ATXN10: variants seen among roughly 807,000 people sequenced by gnomAD.
The protein encoded by ATXN10 is ataxin-10.
Under a neutral mutation model 52.9 loss-of-function variants are expected in ATXN10, and 28 were observed. The observed-to-expected ratio is 0.53, with a 90% CI of 0.39 to 0.73. The LOEUF is 0.73. ATXN10 is among the 30% of genes least tolerant of loss of function. The pLI, the probability that ATXN10 is intolerant of heterozygous loss-of-function variation, is 0.00. For missense variants in ATXN10, 565 were observed against 577.0 expected (o/e 0.98, Z 0.21); for synonymous variants, 226 against 221.5 (o/e 1.02, Z -0.18).
rs1923329632 is a variant in ATXN10 at position 45,690,513 on chromosome 22, CTT to C, written c.308+612_308+613del. ...TAGTGTTTTGAAGCTGATTTTGAGT[CTT>C]TGTTCCTAGATTTTACCTGCCTAAG... On this transcript the variant is annotated intron_variant, in intron 2 of 11. Transcript: ENST00000252934. This position sits in a 1 kb window ranked among gnomAD's most constrained non-coding sequence, Gnocchi z 4.5. 6.6e-6 allele frequency among the ~76,000 whole-genome samples: 1 copy of C among 152,118 alleles called. No homozygotes were observed. Among genetic ancestry groups the C allele is most frequent in the Non-Finnish European group, 1.5e-5 (1 of 68,020 alleles).
intron 9 of ATXN10, among the ~76,000 whole-genome samples, chr22:45,788,275 G>A (rs901978700): frequency 1.3e-5 from 2 of 151,982 alleles, no homozygotes; most frequent in African/African-American, 2.4e-5. Flanking sequence ...TGCCTCCCGC[G>A]AAATATGCCC....
rs118131157 is a variant in ATXN10, at chr22:45,712,489, G to A, written c.648-5924G>A. On this transcript the variant is annotated intron_variant, in intron 5 of 11. Coordinates refer to ENST00000252934, the MANE Select transcript of ATXN10 (RefSeq NM_013236.4). This position sits in a 1 kb window ranked among gnomAD's most constrained non-coding sequence, Gnocchi z 4.6. ...ACCTTGATACTGAAGGGTAGACAGC[G>A]TAGCCAGTGTCACACTGCCAGTGAG... Among the ~76,000 whole-genome samples, 8,341 of 152,274 alleles carry A rather than the reference G, an allele frequency of 0.055. 336 individuals are homozygous for A. Among genetic ancestry groups the A allele is most frequent in the Non-Finnish European group, 0.082 (5,581 of 68,002 alleles).
At chr22:45,675,302 A>G (rs1601582362) in intron 1 of ATXN10, 1 of 152,202 alleles carries the variant, frequency 6.6e-6, no homozygotes, top group African/African-American at 2.4e-5. Flanking sequence ...CTTACATCCC[A>G]TTGTGGGAAT....
intron 10 of ATXN10, among the ~76,000 whole-genome samples, chr22:45,822,493 A>C (rs1201140157): frequency 2.0e-5 from 3 of 149,154 alleles, no homozygotes; most frequent in Non-Finnish European, 4.5e-5. Flanking sequence ...GAGGAATATA[A>C]TATGTTGTGA....
intron 9 of ATXN10, among the ~76,000 whole-genome samples, chr22:45,751,026 G>A (rs1925927451): frequency 6.6e-6 from 1 of 152,066 alleles, no homozygotes; most frequent in Non-Finnish European, 1.5e-5. Flanking sequence ...TGCCTCCTGA[G>A]TTTGAGTGAT....
chr22:45,760,781 GAGAA>G (rs1350127960), intron 9 of ATXN10, among the ~76,000 whole-genome samples: 1 of 152,086 alleles, frequency 6.6e-6, no homozygotes, highest in African/African-American at 2.4e-5. Context: ...TAAGTGGCAT[GAGAA>G]AGAAAGAAAC....
In ATXN10 at chr22:45,783,372, G is replaced by A. The variant is rs866733547; in HGVS notation, c.1174-23587G>A. ...TTTCCACTTAATAGTTTCAGACCAC[G>A]GGTAACTGAAAATTGCAAAACGTGA... is the stretch of plus-strand genomic sequence containing the variant. On this transcript the variant is annotated intron_variant, in intron 9 of 11. Transcript: ENST00000252934. This position sits in a 1 kb window ranked among gnomAD's most constrained non-coding sequence, Gnocchi z 5.0. Among the ~76,000 whole-genome samples the A allele has an allele frequency of 6.6e-6, 1 of 152,170 alleles. No individual in the cohort carries two copies. The highest frequency in any genetic ancestry group is 2.4e-5 in the African/African-American group (1 of 41,430).
In ATXN10 at chr22:45,678,288, C is replaced by T. The variant is rs1470954878; in HGVS notation, c.116+6109C>T. The stretch of plus-strand genomic sequence containing the variant: ...ATTAATAATACAATGTACCAAAATC[C>T]ATTTAATTGTACGCTTTAAGTGGGT... On this transcript the variant is annotated intron_variant, in intron 1 of 11. Transcript: ENST00000252934. The surrounding 1 kb of genome is among the most constrained non-coding windows in gnomAD (Gnocchi z 4.1). 1 of 152,120 alleles carries T rather than the reference C, an allele frequency of 6.6e-6. No homozygotes were observed. The highest frequency in any genetic ancestry group is 1.5e-5 in the Non-Finnish European group (1 of 68,022). The allele number at this position is 152,120 out of a possible 1,614,324, so 9.4% of individuals were successfully genotyped here. A position where few individuals can be genotyped will look rare whatever the true frequency, so the allele number is the denominator to read the frequency against.
rs1266205118 is a variant in ATXN10, at chr22:45,816,168, G to T, written c.1237+9146G>T. Among the ~76,000 whole-genome samples, 2 of 152,256 alleles carry T rather than the reference G, an allele frequency of 1.3e-5. No individual in the cohort carries two copies. Among genetic ancestry groups the T allele is most frequent in the Non-Finnish European group, 2.9e-5 (2 of 68,024 alleles). ...CTCGGGAGGCTGAGGCAGGAGAATC[G>T]CTTGAACCTGCAAGGCGCAGGTTGT... On this transcript the variant is annotated intron_variant, in intron 10 of 11. Coordinates refer to ENST00000252934, the MANE Select transcript of ATXN10 (RefSeq NM_013236.4). This position sits in a 1 kb window ranked among gnomAD's most constrained non-coding sequence, Gnocchi z 5.8.
chr22:45,771,269 C>G (rs142175574), intron 9 of ATXN10, among the ~76,000 whole-genome samples: 4 of 152,184 alleles, frequency 2.6e-5, no homozygotes, highest in African/African-American at 9.7e-5. Context: ...ACATCCTCGT[C>G]AGCTCTTGGT....
Position 45,783,239 on chromosome 22 carries a change from G to A in ATXN10, c.1174-23720G>A, listed in dbSNP as rs1030152839. Among the ~76,000 whole-genome samples, 1 of 152,214 alleles carries A rather than the reference G, an allele frequency of 6.6e-6. No homozygotes were observed. The highest frequency in any genetic ancestry group is 1.5e-5 in the Non-Finnish European group (1 of 68,042). ...GCTGGGGAGCATAAATAGTGTGGGTGTGCTGGACAAGGGAGGATTCAAGCC... is the reference window on the plus strand; with the variant it reads ...GCTGGGGAGCATAAATAGTGTGGGTATGCTGGACAAGGGAGGATTCAAGCC... On this transcript the variant is annotated intron_variant, in intron 9 of 11. Coordinates refer to ENST00000252934, the MANE Select transcript of ATXN10 (RefSeq NM_013236.4). This position sits in a 1 kb window ranked among gnomAD's most constrained non-coding sequence, Gnocchi z 5.0.
At chr22:45,700,412 G>A in intron 4 of ATXN10, 34 bp downstream of exon 4, 1 of 1,519,324 alleles carries the variant, frequency 6.6e-7, no homozygotes, top group Non-Finnish European at 9.1e-7. Context: ...TCTAACTTGT[G>A]AGAAGATTGT....
intron 9 of ATXN10, among the ~76,000 whole-genome samples, chr22:45,743,972 T>A (rs1273033776): frequency 1.3e-5 from 2 of 152,070 alleles, no homozygotes; most frequent in African/African-American, 2.4e-5. Context: ...CTGCAGGACT[T>A]CAGGCTGGAG....
rs908246243 is a variant in ATXN10 at position 45,727,147 on chromosome 22, T to C, written c.729-2278T>C. Among the ~76,000 whole-genome samples, 5 of 152,358 alleles carry C rather than the reference T, an allele frequency of 3.3e-5. No homozygotes were observed. The highest frequency in any genetic ancestry group is 5.9e-5 in the Non-Finnish European group (4 of 68,038). ...AATTATATCTCTGTTATCATTTATT[T>C]TGAATAACTTTTAAATGTCCGTCTT... On this transcript the variant is annotated intron_variant, in intron 6 of 11. Transcript: ENST00000252934. The surrounding 1 kb of genome is among the most constrained non-coding windows in gnomAD (Gnocchi z 4.6).
At chr22:45,740,620 G>T in intron 9 of ATXN10, 82 bp downstream of exon 9, 1 of 1,403,544 alleles carries the variant, frequency 7.1e-7, no homozygotes. Flanking sequence ...CTCTTTTGGA[G>T]TGAAAGCTTG....
chr22:45,719,494 G>T (rs573740319), intron 6 of ATXN10, among the ~76,000 whole-genome samples: 3 of 151,826 alleles, frequency 2.0e-5, no homozygotes, highest in African/African-American at 7.3e-5. Context: ...TACAGATAGA[G>T]AAGTATTTGT....
At chr22:45,813,035 A>G (rs1928334971) in intron 10 of ATXN10, among the ~76,000 whole-genome samples, 1 of 152,190 alleles carries the variant, frequency 6.6e-6, no homozygotes, top group African/African-American at 2.4e-5. Context: ...TACAAGGGGA[A>G]GCTTAACTCT....
rs1929072483 is a variant in ATXN10, at chr22:45,833,842, G to C, written c.1238-9149G>C. Among the ~76,000 whole-genome samples the C allele has an allele frequency of 6.6e-6, 1 of 152,184 alleles. No homozygotes were observed. Among genetic ancestry groups the C allele is most frequent in the Non-Finnish European group, 1.5e-5 (1 of 68,038 alleles). On this transcript the variant is annotated intron_variant, in intron 10 of 11. Coordinates refer to ENST00000252934, the MANE Select transcript of ATXN10 (RefSeq NM_013236.4). This position sits in a 1 kb window ranked among gnomAD's most constrained non-coding sequence, Gnocchi z 4.3. ...GTCTCTCTGGATGGACTGGTCGCGA[G>C]AGCACACTTAGCAGCGATACGGCAT...
chr22:45,735,456 G>T (rs1410683868), intron 7 of ATXN10, among the ~76,000 whole-genome samples: 3 of 151,718 alleles, frequency 2.0e-5, no homozygotes, highest in African/African-American at 7.3e-5. Context: ...TCAATTACTG[G>T]TTCCCTCCAA....
Sources: allele counts gnomAD v4.1 joint callset (sites outside exome capture counted in the v4.1 genomes callset), GRCh38; gene constraint gnomAD v4.1.1; non-coding constraint Gnocchi (gnomAD v3.1); transcripts MANE v1.5; gene names NCBI Gene and HGNC (gene_info 2026-07-23, HGNC 2026-07-21).